Variants in NRP1 observed in about 807,000 individuals in gnomAD.
NRP1 encodes neuropilin-1.
In NRP1, 35 loss-of-function variants were observed where a neutral mutation model predicts 106.7. The ratio of observed to expected loss-of-function variants is 0.33; its 90% CI spans 0.25 to 0.43. The LOEUF (loss-of-function observed/expected upper bound fraction) is 0.43, where lower values mean the gene tolerates loss of function less well. Among genes scored for constraint, NRP1 ranks in the 20% least tolerant of loss-of-function variants. The probability of loss-of-function intolerance (pLI) is 1.00; values close to 1 mark genes in which losing one functional copy is unlikely to be tolerated. For missense variants in NRP1, 1,024 were observed against 1,170.4 expected (o/e 0.87, Z 1.83); for synonymous variants, 437 against 417.9 (o/e 1.05, Z -0.56).
At chr10:33,324,476 G>C (rs1847746566) in intron 2 of NRP1, among the ~76,000 whole-genome samples, 2 of 152,204 alleles carry the variant, frequency 1.3e-5, no homozygotes, top group African/African-American at 4.8e-5. Flanking sequence ...GCAGGCTCCA[G>C]ATTGAAAAGT....
In NRP1 at chr10:33,185,688, C is replaced by A. The variant is rs550284385; in HGVS notation, c.2371G>T (p.Gly791Cys). The A allele has an allele frequency of 4.3e-6, 7 of 1,614,146 alleles. No homozygotes were observed. In the African/African-American group the frequency reaches 9.3e-5, roughly 22 times the overall value. ...CTAATGTCATCCACAGCAATCCCAC[C>A]AAGGTTTCCTTTTCCGATTTCGCCC... Reference protein sequence around the residue: ...FEGEIGKGNLGGIAVDDISIN... With the variant: ...FEGEIGKGNLCGIAVDDISIN... Residue 791 changes from glycine to cysteine, a missense_variant, in exon 15 of 17, where the codon GGT becomes TGT. Physicochemically the swap from Gly to Cys is radical, Grantham distance 159 (BLOSUM62 -3). Transcript: ENST00000374867.
intron 2 of NRP1, among the ~76,000 whole-genome samples, chr10:33,313,821 G>C (rs1020984002): frequency 2.0e-5 from 3 of 152,184 alleles, no homozygotes; most frequent in African/African-American, 7.2e-5. Context: ...GGGCACCAAG[G>C]AGACAAAGCT....
In NRP1 at chr10:33,227,895, G is replaced by A. The variant is rs1839798403; in HGVS notation, c.982-1606C>T. Among the ~76,000 whole-genome samples the A allele has an allele frequency of 3.3e-5, 5 of 152,214 alleles. No homozygotes were observed. In the South Asian group the frequency reaches 1.0e-3, roughly 32 times the overall value. On this transcript the variant is annotated intron_variant, in intron 6 of 16. Coordinates refer to ENST00000374867, the MANE Select transcript of NRP1 (RefSeq NM_003873.7). The stretch of plus-strand genomic sequence containing the variant: ...AGGAGTGGGATTAGATAACTTGGAA[G>A]ACTCTTTTCCACTCTGACCTCCTAT...
intron 10 of NRP1, among the ~76,000 whole-genome samples, chr10:33,203,722 CTTTTTTTTTTTTTTT>C (rs34343692): frequency 1.5e-5 from 1 of 68,134 alleles, no homozygotes; most frequent in Non-Finnish European, 2.6e-5. Context: ...TCAAAGACTG[CTTTTTTTTTTTTTTT>C]TTTTTTTTTT....
chr10:33,302,140 A>C (rs1464959107), intron 2 of NRP1, among the ~76,000 whole-genome samples: 2 of 152,240 alleles, frequency 1.3e-5, no homozygotes, highest in African/African-American at 4.8e-5. Context: ...AACAACGGAA[A>C]CGCAACTGAA....
At chr10:33,192,129 T>C in intron 13 of NRP1, 152 bp downstream of exon 13, 1 of 803,878 alleles carries the variant, frequency 1.2e-6, no homozygotes, top group East Asian at 2.6e-5. Context: ...GAAAGAGACA[T>C]TGTTAATTCT....
At chr10:33,213,759 G>T (rs187094641) in intron 8 of NRP1, 42 bp from the exon 9 acceptor site, 6 of 1,418,914 alleles carry the variant, frequency 4.2e-6, no homozygotes, top group Admixed American at 2.1e-5. Flanking sequence ...ATGATTTCCT[G>T]GGCGACTCCA....
At chr10:33,257,978 T>G (rs1842314630) in intron 4 of NRP1, among the ~76,000 whole-genome samples, 1 of 152,166 alleles carries the variant, frequency 6.6e-6, no homozygotes, top group Non-Finnish European at 1.5e-5. Flanking sequence ...AGAAGCACAT[T>G]AGGTAGACAT....
rs868555201 is a variant in NRP1 at position 33,322,738 on chromosome 10, C to T, written c.248+7970G>A. On this transcript the variant is annotated intron_variant, in intron 2 of 16. Coordinates refer to ENST00000374867, the MANE Select transcript of NRP1 (RefSeq NM_003873.7). ...GTTGAAAGTTTCTATGCACAGTTTT[C>T]ACAAGTGCTTATTTAATCTGAACTT... Among the ~76,000 whole-genome samples, 134 of 152,296 alleles carry T rather than the reference C, an allele frequency of 8.8e-4. 1 individual carries two copies. The highest frequency in any genetic ancestry group is 5.9e-4 in the Admixed American group (9 of 15,300).
At chr10:33,334,245 C>A (rs1204375147) in intron 1 of NRP1, 65 bp downstream of exon 1, 7 of 1,453,284 alleles carry the variant, frequency 4.8e-6, no homozygotes, top group African/African-American at 4.2e-5. Flanking sequence ...GCCTGAGCCC[C>A]GGTCCGGGGC....
At chr10:33,230,716 C>G (rs894819108) in intron 6 of NRP1, among the ~76,000 whole-genome samples, 3 of 151,924 alleles carry the variant, frequency 2.0e-5, no homozygotes, top group Non-Finnish European at 2.9e-5. Flanking sequence ...AGTCACTTAT[C>G]CACAACTTAT....
chr10:33,216,176 C>T (rs1476293020), intron 8 of NRP1, among the ~76,000 whole-genome samples: 3 of 144,820 alleles, frequency 2.1e-5, no homozygotes, highest in Non-Finnish European at 4.5e-5. Context: ...CTCGCTCTGT[C>T]TCCCAGGCTG....
At chr10:33,221,260 C>T (rs1839219647) in intron 8 of NRP1, among the ~76,000 whole-genome samples, 1 of 152,110 alleles carries the variant, frequency 6.6e-6, no homozygotes, top group South Asian at 2.1e-4. Context: ...ATCTTTCATG[C>T]AACAGTTACT....
At chr10:33,209,578 G>A (rs966024556) in intron 9 of NRP1, among the ~76,000 whole-genome samples, 2 of 152,232 alleles carry the variant, frequency 1.3e-5, no homozygotes, top group Middle Eastern at 3.2e-3. Flanking sequence ...CTAGGTTCAA[G>A]CGATTCTCTT....
At chr10:33,330,592 G>T in intron 2 of NRP1, 116 bp downstream of exon 2, 2 of 755,092 alleles carry the variant, frequency 2.6e-6, no homozygotes, top group Non-Finnish European at 3.8e-6. Context: ...GGCTGAGATT[G>T]GAATCCCTCC....
chr10:33,247,798 G>A (rs979429770), intron 6 of NRP1, among the ~76,000 whole-genome samples: 2 of 152,202 alleles, frequency 1.3e-5, no homozygotes, highest in African/African-American at 2.4e-5. Flanking sequence ...CTGCTGTCTT[G>A]CTTCCTGAGT....
At chr10:33,280,072 T>C (rs1270134077) in intron 2 of NRP1, among the ~76,000 whole-genome samples, 1 of 152,122 alleles carries the variant, frequency 6.6e-6, no homozygotes, top group Non-Finnish European at 1.5e-5. Flanking sequence ...CAAAAATAAA[T>C]GTATCTAAGA....
intron 2 of NRP1, among the ~76,000 whole-genome samples, chr10:33,297,683 T>A (rs1845506324): frequency 9.2e-6 from 1 of 108,622 alleles, no homozygotes; most frequent in Non-Finnish European, 1.9e-5. Flanking sequence ...CGAGACTTTG[T>A]CTCAAAAAAA....
chr10:33,256,879 G>A (rs74361938), intron 4 of NRP1, among the ~76,000 whole-genome samples: 4,452 of 152,166 alleles, frequency 0.029, 104 homozygotes, highest in Non-Finnish European at 0.05. Flanking sequence ...ACCCGTCCTC[G>A]CCTCTCTTGC....
Sources: gnomAD v4.1 joint callset for allele counts (sites outside exome capture counted in the v4.1 genomes callset) on GRCh38, gnomAD v4.1.1 for gene constraint, MANE v1.5 for transcripts, NCBI Gene and HGNC (gene_info 2026-07-23, HGNC 2026-07-21) for gene names.